The following NKAIN2 variants were observed in gnomAD, a reference collection of about 807,000 sequenced individuals.
NKAIN2 encodes the protein sodium/potassium transporting ATPase interacting 2.
A neutral mutation model predicts 32.6 loss-of-function variants in NKAIN2; 14 were observed. The observed-to-expected ratio is 0.43, with a 90% CI of 0.28 to 0.67. The LOEUF is 0.67. NKAIN2 is among the 30% of genes least tolerant of loss of function. The pLI, the probability that NKAIN2 is intolerant of heterozygous loss-of-function variation, is 0.17. For missense variants in NKAIN2, 198 were observed against 258.3 expected (o/e 0.77, Z 1.60); for synonymous variants, 80 against 87.2 (o/e 0.92, Z 0.46).
chr6:124,276,293 AACAC>A (rs149321217), intron 1 of NKAIN2, among the ~76,000 whole-genome samples: 11,091 of 145,784 alleles, frequency 0.076, 512 homozygotes, highest in Admixed American at 0.17. Context: ...CCCCTTGGTG[AACAC>A]ACACACACAC....
chr6:124,037,163 T>C (rs566941693), intron 1 of NKAIN2, among the ~76,000 whole-genome samples: 17 of 152,122 alleles, frequency 1.1e-4, no homozygotes, highest in South Asian at 6.2e-4. Context: ...AGTGATCACT[T>C]CCAAGAAGGA....
At chr6:123,992,187 A>C (rs1779442433) in intron 1 of NKAIN2, among the ~76,000 whole-genome samples, 1 of 152,152 alleles carries the variant, frequency 6.6e-6, no homozygotes, top group Admixed American at 6.6e-5. Context: ...TTCAACCAGG[A>C]GAGAGAATGA....
intron 1 of NKAIN2, among the ~76,000 whole-genome samples, chr6:123,825,177 C>T (rs1434568492): frequency 3.3e-5 from 5 of 152,006 alleles, no homozygotes; most frequent in South Asian, 2.1e-4. Context: ...AGTGCCCTGC[C>T]GTCATGACCT....
chr6:124,601,347 T>C (rs577381974), intron 3 of NKAIN2, among the ~76,000 whole-genome samples: 1 of 152,252 alleles, frequency 6.6e-6, no homozygotes, highest in South Asian at 2.1e-4. Context: ...TGACAACTAC[T>C]CTGCCTATTG....
intron 1 of NKAIN2, among the ~76,000 whole-genome samples, chr6:123,988,973 G>T (rs1020562537): frequency 1.3e-5 from 2 of 151,378 alleles, no homozygotes; most frequent in African/African-American, 4.9e-5. Context: ...TTTGTTTAAA[G>T]GTGTTTAATT....
intron 1 of NKAIN2, among the ~76,000 whole-genome samples, chr6:123,920,604 C>T (rs947699496): frequency 1.3e-5 from 2 of 151,982 alleles, no homozygotes; most frequent in African/African-American, 4.8e-5. Flanking sequence ...CAGTCCACAC[C>T]ATCATTGTTT....
intron 4 of NKAIN2, among the ~76,000 whole-genome samples, chr6:124,660,972 C>T (rs1243885763): frequency 1.3e-5 from 2 of 152,276 alleles, no homozygotes; most frequent in African/African-American, 2.4e-5. Flanking sequence ...ATCTCTGTCC[C>T]TCCCCTTTTG....
intron 1 of NKAIN2, among the ~76,000 whole-genome samples, chr6:124,094,687 G>A (rs1316991160): frequency 6.6e-6 from 1 of 152,082 alleles, no homozygotes; most frequent in African/African-American, 2.4e-5. Flanking sequence ...CGGATCCAAA[G>A]TTTGCTGATG....
At chr6:123,955,161 G>A (rs1383773623) in intron 1 of NKAIN2, among the ~76,000 whole-genome samples, 3 of 139,758 alleles carry the variant, frequency 2.1e-5, no homozygotes, top group Admixed American at 1.5e-4. Flanking sequence ...GGATAGAAGA[G>A]TATATAACTG....
intron 1 of NKAIN2, among the ~76,000 whole-genome samples, chr6:124,122,154 A>G (rs1785915306): frequency 6.6e-6 from 1 of 152,102 alleles, no homozygotes; most frequent in Non-Finnish European, 1.5e-5. Flanking sequence ...GGTACAAAAT[A>G]GATTACTTAA....
chr6:124,715,036 T>A (rs1402417400), intron 4 of NKAIN2, among the ~76,000 whole-genome samples: 1 of 152,160 alleles, frequency 6.6e-6, no homozygotes, highest in African/African-American at 2.4e-5. Context: ...CATTAGGGTT[T>A]AACCCTATAA....
chr6:124,348,526 G>A (rs900156460), intron 2 of NKAIN2, among the ~76,000 whole-genome samples: 23 of 152,230 alleles, frequency 1.5e-4, no homozygotes, highest in African/African-American at 4.8e-4. Context: ...ACCTAATCAA[G>A]CCTGGGCAAT....
At chr6:124,163,316 G>T (rs1342020090) in intron 1 of NKAIN2, among the ~76,000 whole-genome samples, 1 of 151,966 alleles carries the variant, frequency 6.6e-6, no homozygotes, top group Admixed American at 6.6e-5. Flanking sequence ...GTGTGTGTGT[G>T]TTTGTGAATC....
chr6:124,429,041 CT>C (rs910138567), intron 3 of NKAIN2, among the ~76,000 whole-genome samples: 67 of 151,882 alleles, frequency 4.4e-4, no homozygotes, highest in African/African-American at 1.5e-3. Context: ...TACTTTTACT[CT>C]TTTTTTTATG....
intron 1 of NKAIN2, among the ~76,000 whole-genome samples, chr6:123,895,184 GTCTC>G (rs1247775378): frequency 6.7e-6 from 1 of 149,342 alleles, no homozygotes; most frequent in African/African-American, 2.5e-5. Flanking sequence ...GTCTCTCTCT[GTCTC>G]TCTCACACAG....
intron 3 of NKAIN2, among the ~76,000 whole-genome samples, chr6:124,453,766 A>T (rs866236355): frequency 6.6e-6 from 1 of 152,102 alleles, no homozygotes; most frequent in African/African-American, 2.4e-5. Context: ...AAATTAGTAG[A>T]TGAGAGGTAT....
chr6:124,544,298 T>C (rs1231709233), intron 3 of NKAIN2, among the ~76,000 whole-genome samples: 1 of 151,436 alleles, frequency 6.6e-6, no homozygotes, highest in Non-Finnish European at 1.5e-5. Flanking sequence ...TCCCAACTTC[T>C]TTTCCCTCCA....
At chr6:124,313,579 A>G (rs904480684) in intron 2 of NKAIN2, among the ~76,000 whole-genome samples, 1 of 152,026 alleles carries the variant, frequency 6.6e-6, no homozygotes, top group Non-Finnish European at 1.5e-5. Flanking sequence ...CTTCCTTGCT[A>G]TTCTGGGATT....
At chr6:124,801,891 G>A (rs989661026) in intron 5 of NKAIN2, among the ~76,000 whole-genome samples, 12 of 152,154 alleles carry the variant, frequency 7.9e-5, no homozygotes, top group African/African-American at 2.4e-4. Flanking sequence ...ACTACTTTTC[G>A]GATCCATATT....
Sources: allele counts gnomAD v4.1 joint callset (sites outside exome capture counted in the v4.1 genomes callset), GRCh38; gene constraint gnomAD v4.1.1; transcripts MANE v1.5; gene names NCBI Gene and HGNC (gene_info 2026-07-23, HGNC 2026-07-21).